ZNF546: variants seen among roughly 807,000 people sequenced by gnomAD.
ZNF546 encodes the protein zinc finger protein 546, also known as CTC-471F3.6.
ZNF546 carries 60 observed loss-of-function variants against 76.2 expected under a neutral mutation model. The observed-to-expected ratio is 0.79, with a 90% CI of 0.64 to 0.98. ZNF546 has a LOEUF of 0.98. ZNF546 is among the 50% of genes least tolerant of loss of function. The pLI is 0.00. For missense variants in ZNF546, 936 were observed against 1,035.6 expected, an observed-to-expected ratio of 0.90 and a Z score of 1.32; for synonymous variants, 277 against 328.1, an observed-to-expected ratio of 0.84 and a Z score of 1.68.
chr19:40,006,278 C>A (rs74798509), intron 4 of ZNF546, 96 bp downstream of exon 4: 6 of 1,134,542 alleles, frequency 5.3e-6, no homozygotes, highest in African/African-American at 3.2e-5. Flanking sequence ...TAAGACAACC[C>A]TGTTGTGGAA....
At chr19:40,011,733 G>A (rs1971674301) in intron 6 of ZNF546, among the ~76,000 whole-genome samples, 1 of 152,212 alleles carries the variant, frequency 6.6e-6, no homozygotes, top group African/African-American at 2.4e-5. Flanking sequence ...TCTAGACTAA[G>A]TTTTAGCCAT....
chr19:39,998,520 G>C, intron 3 of ZNF546, 110 bp downstream of exon 3: 1 of 932,370 alleles, frequency 1.1e-6, no homozygotes, highest in Middle Eastern at 2.2e-4. Flanking sequence ...AAAGACCTCA[G>C]TTTTAAAATA....
chr19:40,002,714 T>G (rs1971545379), intron 3 of ZNF546, among the ~76,000 whole-genome samples: 3 of 151,624 alleles, frequency 2.0e-5, no homozygotes, highest in East Asian at 1.9e-4. Context: ...TTTTTTTTTT[T>G]GTCGAGATAG....
chr19:40,003,943 C>T (rs931357394), intron 3 of ZNF546, among the ~76,000 whole-genome samples: 3 of 150,876 alleles, frequency 2.0e-5, no homozygotes, highest in Admixed American at 6.6e-5. Context: ...ACCTAGGAGG[C>T]GGAGTCTACA....
At chr19:40,006,235 C>T (rs1971600682) in intron 4 of ZNF546, 53 bp downstream of exon 4, 1 of 1,507,292 alleles carries the variant, frequency 6.6e-7, no homozygotes, top group African/African-American at 1.4e-5. Flanking sequence ...TTCATGTGAT[C>T]ATTGAAGTCT....
rs769032117 is a variant in ZNF546 at position 40,016,993 on chromosome 19, A to G, written c.*1212A>G. ...AGTATTTGGCACACAGCATTTTATC[A>G]ATAAATATTGCTTTATTTTTTTCAT... On this transcript the variant is annotated 3_prime_UTR_variant, in exon 7 of 7. Coordinates refer to ENST00000347077, the MANE Select transcript of ZNF546 (RefSeq NM_178544.5). 2 of 152,184 alleles carry G rather than the reference A, an allele frequency of 1.3e-5. No individual in the cohort carries two copies. The highest frequency in any genetic ancestry group is 2.9e-5 in the Non-Finnish European group (2 of 68,030). 9.4% of individuals were successfully genotyped at this position (152,184 alleles called of 1,614,324 possible). A position where few individuals can be genotyped will look rare whatever the true frequency, so the allele number is the denominator to read the frequency against.
chr19:40,003,273 G>A lies in ZNF546; in HGVS notation c.85-2823G>A, dbSNP rs111454664. Among the ~76,000 whole-genome samples the A allele has an allele frequency of 5.1e-3, 760 of 147,882 alleles. 9 individuals are homozygous for A. Among genetic ancestry groups the A allele is most frequent in the African/African-American group, 0.017 (702 of 40,428 alleles). On this transcript the variant is annotated intron_variant, in intron 3 of 6. Coordinates refer to ENST00000347077, the MANE Select transcript of ZNF546 (RefSeq NM_178544.5). ...AGGATGATCTTGATCTACTGACCTCGTGATCTGCCTGCCTCGGCCTCCCAA... is the reference window on the plus strand; with the variant it reads ...AGGATGATCTTGATCTACTGACCTCATGATCTGCCTGCCTCGGCCTCCCAA...
In ZNF546 at chr19:40,015,011, T is replaced by G. The variant is rs1971738088; in HGVS notation, c.1741T>G (p.Tyr581Asp). Reference sequence around the variant, plus strand: ...GCGAATTCACACCAGTGAGAGCACCTACATATGTAAAGAATGTGGGAAGAT... The same window carrying G: ...GCGAATTCACACCAGTGAGAGCACCGACATATGTAAAGAATGTGGGAAGAT... ...HQRIHTSEST[Y>D]ICKECGKIFS... Residue 581 changes from tyrosine (Y) to aspartate (D), a missense_variant, in exon 7 of 7, where the codon TAC becomes GAC. Physicochemically the swap from Tyr to Asp is radical, Grantham distance 160. Coordinates refer to ENST00000347077, the MANE Select transcript of ZNF546 (RefSeq NM_178544.5). 3 of 1,614,038 alleles carry G rather than the reference T, an allele frequency of 1.9e-6. No individual in the cohort carries two copies. Among genetic ancestry groups the G allele is most frequent in the Non-Finnish European group, 2.5e-6 (3 of 1,180,000 alleles).
In ZNF546 at chr19:40,015,597, C is replaced by T; in HGVS notation, c.2327C>T (p.Pro776Leu). ...CACATAGTTCACACGGGTGAGAAAC[C>T]CTATAAATGTAAAGAATGTGGGAAA... ...RHHIVHTGEKPYKCKECGKAF... is the reference protein window; with the variant it reads ...RHHIVHTGEKLYKCKECGKAF... Residue 776 changes from proline to leucine, a missense_variant, in exon 7 of 7, where the codon CCC (proline) becomes CTC (leucine). Transcript: ENST00000347077. The T allele has an allele frequency of 6.2e-7, 1 of 1,614,026 alleles. No homozygotes were observed. The highest frequency in any genetic ancestry group is 8.5e-7 in the Non-Finnish European group (1 of 1,180,016).
rs1432547382 is a variant in ZNF546 at position 40,007,373 on chromosome 19, G to A, written c.271G>A (p.Glu91Lys). The A allele has an allele frequency of 1.2e-6, 2 of 1,601,582 alleles. No individual in the cohort carries two copies. Among genetic ancestry groups the A allele is most frequent in the Non-Finnish European group, 1.7e-6 (2 of 1,173,232 alleles). The part of the protein sequence containing the change: ...QRDLYKDVML[E>K]NYSNLVSLGY... ...GGACTTGTACAAGGATGTGATGTTG[G>A]AGAACTACAGCAACCTGGTCTCACT... The change falls in exon 5 of 7, where the codon GAG becomes AAG. Residue 91 changes from glutamate (E) to lysine (K), a missense_variant. Physicochemically the swap from Glu to Lys is moderately conservative, Grantham distance 56 (BLOSUM62 1). Coordinates refer to ENST00000347077, the MANE Select transcript of ZNF546 (RefSeq NM_178544.5).
At chr19:40,005,700 AAAAG>A (rs969206911) in intron 3 of ZNF546, among the ~76,000 whole-genome samples, 4 of 152,216 alleles carry the variant, frequency 2.6e-5, no homozygotes, top group African/African-American at 9.6e-5. Context: ...AAAAAAAAAA[AAAAG>A]ATAGTTTGCT....
intron 3 of ZNF546, among the ~76,000 whole-genome samples, chr19:40,004,306 C>T (rs1034775766): frequency 2.0e-5 from 3 of 151,784 alleles, no homozygotes; most frequent in African/African-American, 4.8e-5. Flanking sequence ...TCACTCCCGT[C>T]GCACAGGCTG....
At chr19:40,011,506 G>A (rs1010541019) in intron 6 of ZNF546, among the ~76,000 whole-genome samples, 6 of 152,168 alleles carry the variant, frequency 3.9e-5, no homozygotes, top group Non-Finnish European at 7.4e-5. Context: ...TTACAGGCGT[G>A]AGCCACTGCC....
At position 40,017,671 on chromosome 19, in the gene ZNF546, A is replaced by C. The variant is rs1330600492; in HGVS notation, c.*1890A>C. On this transcript the variant is annotated 3_prime_UTR_variant, in exon 7 of 7. Coordinates refer to ENST00000347077, the MANE Select transcript of ZNF546 (RefSeq NM_178544.5). ...TTTTTTAAGCTCATCCGCCATTGTTAGCACATTTTATGTGTAGCCCAAGAT... is the reference window on the plus strand; with the variant it reads ...TTTTTTAAGCTCATCCGCCATTGTTCGCACATTTTATGTGTAGCCCAAGAT... 1 of 152,188 alleles carries C rather than the reference A, an allele frequency of 6.6e-6. No homozygotes were observed. Among genetic ancestry groups the C allele is most frequent in the Non-Finnish European group, 1.5e-5 (1 of 68,044 alleles). 9.4% of individuals were successfully genotyped at this position (152,188 alleles called of 1,614,324 possible).
chr19:40,001,714 A>G (rs1270503947), intron 3 of ZNF546, among the ~76,000 whole-genome samples: 1 of 152,152 alleles, frequency 6.6e-6, no homozygotes, highest in Non-Finnish European at 1.5e-5. Flanking sequence ...GAATGTTGTT[A>G]ATTAAAAATA....
At chr19:40,012,799 T>A (rs1489279576) in intron 6 of ZNF546, among the ~76,000 whole-genome samples, 1 of 152,020 alleles carries the variant, frequency 6.6e-6, no homozygotes, top group Non-Finnish European at 1.5e-5. Context: ...ATTATCCTAT[T>A]CACCTATTTT....
rs1171319616 is a variant in ZNF546, at chr19:40,018,947, A to T, written c.*3166A>T. 6.6e-6 allele frequency: 1 copy of T among 152,194 alleles called. No individual in the cohort carries two copies. Among genetic ancestry groups the T allele is most frequent in the Non-Finnish European group, 1.5e-5 (1 of 68,040 alleles). The allele number at this position is 152,194 out of a possible 1,614,324, so 9.4% of individuals were successfully genotyped here. Reference sequence around the variant, plus strand: ...AAAATATGGCCTGTTTTAAGCCACTAAGTTTTGGAGTAGTTTGCCACACAG... The same window carrying T: ...AAAATATGGCCTGTTTTAAGCCACTTAGTTTTGGAGTAGTTTGCCACACAG... On this transcript the variant is annotated 3_prime_UTR_variant, in exon 7 of 7. Coordinates refer to ENST00000347077, the MANE Select transcript of ZNF546 (RefSeq NM_178544.5).
In ZNF546 at chr19:40,019,348, A is replaced by G. The variant is rs1280535847; in HGVS notation, c.*3567A>G. ...TAATCACTTATAAAACTGTTAAAAG[A>G]ATGAAGAAGCATTAAACTCAAGAAA... On this transcript the variant is annotated 3_prime_UTR_variant, in exon 7 of 7. Coordinates refer to ENST00000347077, the MANE Select transcript of ZNF546 (RefSeq NM_178544.5). 2 of 152,248 alleles carry G rather than the reference A, an allele frequency of 1.3e-5. No individual in the cohort carries two copies. Among genetic ancestry groups the G allele is most frequent in the Non-Finnish European group, 2.9e-5 (2 of 68,044 alleles). The allele number at this position is 152,248 out of a possible 1,614,324, so 9.4% of individuals were successfully genotyped here. A position where few individuals can be genotyped will look rare whatever the true frequency, so the allele number is the denominator to read the frequency against.
Position 40,001,772 on chromosome 19 carries a change from A to C in ZNF546, c.84+3362A>C, listed in dbSNP as rs139096225. Among the ~76,000 whole-genome samples the C allele has an allele frequency of 7.3e-3, 1,109 of 152,342 alleles. 16 individuals are homozygous for C. Among genetic ancestry groups the C allele is most frequent in the African/African-American group, 0.025 (1,050 of 41,580 alleles). ...CTGAAATACTTAAAATATCATTATT[A>C]AAAAATGGGCATGAGACTCAAACTT... is the stretch of plus-strand genomic sequence containing the variant. On this transcript the variant is annotated intron_variant, in intron 3 of 6. Coordinates refer to ENST00000347077, the MANE Select transcript of ZNF546 (RefSeq NM_178544.5).
Sources: allele counts gnomAD v4.1 joint callset (sites outside exome capture counted in the v4.1 genomes callset), GRCh38; gene constraint gnomAD v4.1.1; transcripts MANE v1.5; gene names NCBI Gene and HGNC (gene_info 2026-07-23, HGNC 2026-07-21).